Variants in OTOP3 observed in about 807,000 individuals in gnomAD.
OTOP3 encodes otopetrin 3.
A neutral mutation model predicts 50.8 loss-of-function variants in OTOP3; 41 were observed. The observed-to-expected ratio is 0.81, with a 90% CI of 0.63 to 1.05. OTOP3 has a LOEUF of 1.05. OTOP3 is among the 50% of genes least tolerant of loss of function. The pLI is 0.00. For missense variants in OTOP3, 788 were observed against 760.8 expected (o/e 1.04, Z -0.42); for synonymous variants, 320 against 324.4 (o/e 0.99, Z 0.14).
chr17:74,938,619 G>A (rs72631372), intron 1 of OTOP3, among the ~76,000 whole-genome samples: 21,329 of 152,086 alleles, frequency 0.14, 2,195 homozygotes, highest in East Asian at 0.36. Context: ...TGCTAGAGGG[G>A]TAAGTTGAAG....
intron 6 of OTOP3, among the ~76,000 whole-genome samples, chr17:74,948,311 C>A (rs1310854712): frequency 6.6e-6 from 1 of 152,004 alleles, no homozygotes; most frequent in African/African-American, 2.4e-5. Flanking sequence ...ATCCCTTGAG[C>A]CCAGGAGTTT....
At chr17:74,949,024 G>C (rs2039256179) in intron 6 of OTOP3, among the ~76,000 whole-genome samples, 1 of 152,210 alleles carries the variant, frequency 6.6e-6, no homozygotes, top group African/African-American at 2.4e-5. Context: ...CCACAGGCAA[G>C]CTCACAGAGA....
chr17:74,947,359 C>T lies in OTOP3; in HGVS notation c.1450C>T (p.Leu484=). 2.5e-6 allele frequency: 4 copies of T among 1,613,092 alleles called. No homozygotes were observed. Among genetic ancestry groups the T allele is most frequent in the South Asian group, 1.1e-5 (1 of 91,076 alleles). ...TCCCCGCAGAGGCTCCTTGCTGGAGCTGGGCCAGGGCCTGCAGCGGGCCTC... is the reference window on the plus strand; with the variant it reads ...TCCCCGCAGAGGCTCCTTGCTGGAGTTGGGCCAGGGCCTGCAGCGGGCCTC... The part of the protein sequence containing the change: ...EPPRRGSLLE[L]GQGLQRASLA... Residue 484 remains leucine (L), a synonymous_variant, in exon 6 of 7, where the codon CTG becomes TTG. Transcript: ENST00000328801.
At chr17:74,936,236 G>A (rs1567948242) in intron 1 of OTOP3, among the ~76,000 whole-genome samples, 2 of 152,340 alleles carry the variant, frequency 1.3e-5, no homozygotes, top group African/African-American at 4.8e-5. Context: ...GGCCTGGGGT[G>A]TGAGGTTGGT....
At position 74,947,025 on chromosome 17, in the gene OTOP3, C is replaced by T. The variant is rs779799245; in HGVS notation, c.1116C>T (p.Cys372=). ...TGCTGCCCACCATGAGTCTGGCGTG[C>T]CTGGCGGGCACAGCCATACACGGGC... ...VAVLPTMSLA[C]LAGTAIHGLE... The change falls in exon 6 of 7, where the codon TGC becomes TGT. Residue 372 remains cysteine (C), a synonymous_variant. Coordinates refer to ENST00000328801, the MANE Select transcript of OTOP3 (RefSeq NM_001272005.2). The T allele has an allele frequency of 6.2e-7, 1 of 1,613,958 alleles. No individual in the cohort carries two copies.
intron 6 of OTOP3, among the ~76,000 whole-genome samples, chr17:74,948,388 C>T (rs188243712): frequency 2.0e-4 from 30 of 152,224 alleles, no homozygotes; most frequent in East Asian, 3.9e-4. Context: ...AGTCTGGGCA[C>T]GGTGGCTCAC....
chr17:74,935,950 G>C lies in OTOP3; in HGVS notation c.19+10G>C. On this transcript the variant is annotated intron_variant, in intron 1 of 6. Transcript: ENST00000328801. ...CCTCTCCCGGCCTCAGGTAAGCCCG[G>C]AGCGCCGGCGGAACTTTCCCAGCTT... 1 of 1,542,054 alleles carries C rather than the reference G, an allele frequency of 6.5e-7. No individual in the cohort carries two copies. The highest frequency in any genetic ancestry group is 8.7e-7 in the Non-Finnish European group (1 of 1,146,692).
Position 74,946,902 on chromosome 17 carries a change from G to A in OTOP3, c.993G>A (p.Leu331=), listed in dbSNP as rs2144788628. The change falls in exon 6 of 7, where the codon CTG becomes CTA. Residue 331 remains leucine, a synonymous_variant. Transcript: ENST00000328801. ...FGPLLGLLVL[L]AGVCVFVLFQ... ...CGCTGCTGGGCCTGCTGGTGCTGCT[G>A]GCAGGTGTGTGCGTCTTTGTGCTCT... is the stretch of plus-strand genomic sequence containing the variant. The A allele has an allele frequency of 6.2e-7, 1 of 1,611,880 alleles. No individual in the cohort carries two copies. Among genetic ancestry groups the A allele is most frequent in the East Asian group, 2.2e-5 (1 of 44,886 alleles).
At chr17:74,943,405 T>C (rs753268467) in intron 4 of OTOP3, 61 bp downstream of exon 4, 9 of 1,570,556 alleles carry the variant, frequency 5.7e-6, no homozygotes, top group Non-Finnish European at 7.9e-6. Context: ...ACTTCCCTGG[T>C]CAGGGTGGCC....
chr17:74,948,711 G>A (rs2039252183), intron 6 of OTOP3, among the ~76,000 whole-genome samples: 1 of 151,794 alleles, frequency 6.6e-6, no homozygotes, highest in South Asian at 2.1e-4. Flanking sequence ...GATGGTGCAT[G>A]CCTGTAGTCC....
At chr17:74,940,535 A>G (rs1481835456) in intron 1 of OTOP3, among the ~76,000 whole-genome samples, 1 of 152,098 alleles carries the variant, frequency 6.6e-6, no homozygotes, top group African/African-American at 2.4e-5. Context: ...GAGGTAAGTG[A>G]TGGGGAGGGA....
rs1381326600 is a variant in OTOP3, at chr17:74,947,374, C to A, written c.1465C>A (p.Gln489Lys). Residue 489 changes from glutamine (Q) to lysine (K), a missense_variant, in exon 6 of 7, where the codon CAG becomes AAG. By Grantham distance (53) the Gln-to-Lys change is moderately conservative. Coordinates refer to ENST00000328801, the MANE Select transcript of OTOP3 (RefSeq NM_001272005.2). ...CTTGCTGGAGCTGGGCCAGGGCCTGCAGCGGGCCTCACTGGCCTACATCCA... is the reference window on the plus strand; with the variant it reads ...CTTGCTGGAGCTGGGCCAGGGCCTGAAGCGGGCCTCACTGGCCTACATCCA... ...GSLLELGQGL[Q>K]RASLAYIHSY... The A allele has an allele frequency of 3.7e-6, 6 of 1,612,924 alleles. No homozygotes were observed. Among genetic ancestry groups the A allele is most frequent in the Non-Finnish European group, 5.1e-6 (6 of 1,180,020 alleles).
chr17:74,945,263 C>T (rs1304832960), intron 5 of OTOP3, among the ~76,000 whole-genome samples: 1 of 152,130 alleles, frequency 6.6e-6, no homozygotes, highest in Non-Finnish European at 1.5e-5. Flanking sequence ...ACCCAGTGTA[C>T]ATCTCTTTAG....
At position 74,949,870 on chromosome 17, in the gene OTOP3, C is replaced by A. The variant is rs2039267614; in HGVS notation, c.*454C>A. ...CTGGACATCCTCAGAGCTCAGAGCT[C>A]CGAGCTAGGAGGCCAGCTCCTCTCC... On this transcript the variant is annotated 3_prime_UTR_variant, in exon 7 of 7. Transcript: ENST00000328801. The A allele has an allele frequency of 6.4e-6, 1 of 156,332 alleles. No homozygotes were observed. The highest frequency in any genetic ancestry group is 1.4e-5 in the Non-Finnish European group (1 of 71,084). 9.7% of individuals were successfully genotyped at this position (156,332 alleles called of 1,614,324 possible). A position where few individuals can be genotyped will look rare whatever the true frequency, so the allele number is the denominator to read the frequency against.
chr17:74,947,138 G>T lies in OTOP3; in HGVS notation c.1229G>T (p.Gly410Val). 6.2e-7 allele frequency: 1 copy of T among 1,614,086 alleles called. No individual in the cohort carries two copies. The highest frequency in any genetic ancestry group is 2.2e-5 in the East Asian group (1 of 44,886). The change falls in exon 6 of 7, where the codon GGC becomes GTC. Residue 410 changes from glycine (G) to valine (V), a missense_variant. Physicochemically the swap from Gly to Val is moderately radical, Grantham distance 109 (BLOSUM62 -3). Transcript: ENST00000328801. ...ATGGGTGCTGCACTGGGCCAGATGG[G>T]CATCGCCTATTTCTCCATCGTGGCC... The part of the protein sequence containing the change: ...LLMGAALGQM[G>V]IAYFSIVAIV...
chr17:74,939,265 C>G (rs1178772184), intron 1 of OTOP3, among the ~76,000 whole-genome samples: 3 of 152,004 alleles, frequency 2.0e-5, no homozygotes, highest in Non-Finnish European at 2.9e-5. Flanking sequence ...AGGGGAGAGG[C>G]AAAAAGGACA....
At chr17:74,942,459 T>G (rs1348879872) in intron 3 of OTOP3, among the ~76,000 whole-genome samples, 3 of 151,888 alleles carry the variant, frequency 2.0e-5, no homozygotes, top group Non-Finnish European at 4.4e-5. Context: ...GGTAAAACCC[T>G]GTCTCTACTG....
At chr17:74,936,534 G>GC (rs2039116878) in intron 1 of OTOP3, among the ~76,000 whole-genome samples, 1 of 152,176 alleles carries the variant, frequency 6.6e-6, no homozygotes, top group South Asian at 2.1e-4. Context: ...AGTTCCAGGT[G>GC]CCCTTGCCCC....
At chr17:74,938,576 A>G (rs2039141305) in intron 1 of OTOP3, among the ~76,000 whole-genome samples, 1 of 152,118 alleles carries the variant, frequency 6.6e-6, no homozygotes, top group Non-Finnish European at 1.5e-5. Context: ...AAGATGGTAT[A>G]GCCCAAGGAG....
Sources: gnomAD v4.1 joint callset for allele counts (sites outside exome capture counted in the v4.1 genomes callset) on GRCh38, gnomAD v4.1.1 for gene constraint, MANE v1.5 for transcripts, NCBI Gene and HGNC (gene_info 2026-07-23, HGNC 2026-07-21) for gene names.